ABCB4: variants seen among roughly 807,000 people sequenced by gnomAD.
The protein encoded by ABCB4 is ATP binding cassette subfamily B member 4, also known as phosphatidylcholine translocator ABCB4.
In ABCB4, 76 loss-of-function variants were observed where a neutral mutation model predicts 145.7. The ratio of observed to expected loss-of-function variants is 0.52; its 90% confidence interval spans 0.43 to 0.63. The LOEUF (loss-of-function observed/expected upper bound fraction) is 0.63, where lower values mean the gene tolerates loss of function less well. ABCB4 is among the 30% of genes least tolerant of loss of function. The pLI, the probability that ABCB4 is intolerant of heterozygous loss-of-function variation, is 0.00. For synonymous variants in ABCB4, 517 were observed against 566.8 expected, an observed-to-expected ratio of 0.91 and a Z score of 1.25; for missense variants, 1,234 against 1,553.1, an observed-to-expected ratio of 0.79 and a Z score of 3.45.
chr7:87,414,879 T>G (rs753228210), intron 21 of ABCB4, among the ~76,000 whole-genome samples: 27 of 152,270 alleles, frequency 1.8e-4, no homozygotes, highest in Non-Finnish European at 3.7e-4. Context: ...CTCACAACCT[T>G]GAAAGGGAAA....
Position 87,417,234 on chromosome 7 carries a change from A to G in ABCB4, c.2682+78T>C, listed in dbSNP as rs1337847518. 7.5e-6 allele frequency: 10 copies of G among 1,328,294 alleles called. No homozygotes were observed. In the South Asian group the frequency reaches 9.6e-5, roughly 13 times the overall value. 82.3% of individuals were successfully genotyped at this position (1,328,294 alleles called of 1,614,324 possible). On this transcript the variant is annotated intron_variant, in intron 21 of 27. Transcript: ENST00000649586. ...CAAACATTTAATTATTAAAGCCTGCATATCATGATAAATAATTCAAATAAA... is the reference window on the plus strand; with the variant it reads ...CAAACATTTAATTATTAAAGCCTGCGTATCATGATAAATAATTCAAATAAA...
At chr7:87,461,168 C>T (rs929744147) in intron 4 of ABCB4, among the ~76,000 whole-genome samples, 3 of 152,112 alleles carry the variant, frequency 2.0e-5, no homozygotes, top group Non-Finnish European at 4.4e-5. Flanking sequence ...TGGTCTCGAA[C>T]TCCCAAACTC....
intron 4 of ABCB4, among the ~76,000 whole-genome samples, chr7:87,461,033 C>G (rs111950225): frequency 6.6e-6 from 1 of 152,018 alleles, no homozygotes; most frequent in Non-Finnish European, 1.5e-5. Flanking sequence ...GCAACCTCCG[C>G]CCCCTGGGTT....
chr7:87,453,428 C>T (rs1248689613), intron 5 of ABCB4, among the ~76,000 whole-genome samples: 1 of 152,120 alleles, frequency 6.6e-6, no homozygotes, highest in Non-Finnish European at 1.5e-5. Context: ...AAGTGATCTG[C>T]TCACCTCCGC....
At chr7:87,455,421 T>G (rs1812042839) in intron 4 of ABCB4, among the ~76,000 whole-genome samples, 1 of 152,224 alleles carries the variant, frequency 6.6e-6, no homozygotes, top group South Asian at 2.1e-4. Flanking sequence ...ATTCATTTAA[T>G]TATCTTATGA....
chr7:87,473,793 T>C (rs1813609321), intron 2 of ABCB4, among the ~76,000 whole-genome samples: 1 of 152,140 alleles, frequency 6.6e-6, no homozygotes, highest in Non-Finnish European at 1.5e-5. Context: ...ATATGATGCA[T>C]TTATCCAGGT....
At chr7:87,390,496 A>T in the ABCB4 span, among the ~76,000 whole-genome samples, 1 of 152,156 alleles carries the variant, frequency 6.6e-6, no homozygotes, top group Non-Finnish European at 1.5e-5. Context: ...CACACTTTGA[A>T]GGGATACCAT....
chr7:87,392,218 A>G, the ABCB4 span, among the ~76,000 whole-genome samples: 1 of 152,130 alleles, frequency 6.6e-6, no homozygotes, highest in Non-Finnish European at 1.5e-5. Context: ...GTGGTTATAT[A>G]TGAGTGCCTG....
chr7:87,375,989 G>T, the ABCB4 span: 4 of 1,511,536 alleles, frequency 2.6e-6, no homozygotes, highest in African/African-American at 2.8e-5. Flanking sequence ...TTTTATTGCA[G>T]ATTTTTCTGG....
chr7:87,431,670 G>C, intron 14 of ABCB4, 105 bp from the exon 15 acceptor site: 2 of 1,426,208 alleles, frequency 1.4e-6, no homozygotes, highest in Non-Finnish European at 2.0e-6. Context: ...GATGATTAGA[G>C]AGTAGTTTAT....
the ABCB4 span, chr7:87,375,749 C>T: frequency 3.5e-5 from 56 of 1,611,842 alleles, no homozygotes; most frequent in African/African-American, 5.2e-4. Context: ...CTTTTCTTAA[C>T]GAAGCTTTTC....
chr7:87,453,465 G>A (rs1051712740), intron 5 of ABCB4, among the ~76,000 whole-genome samples: 2 of 152,066 alleles, frequency 1.3e-5, no homozygotes, highest in African/African-American at 2.4e-5. Flanking sequence ...ATTATAGCAT[G>A]AGCCACCACC....
chr7:87,462,803 T>A lies in ABCB4; in HGVS notation c.241A>T (p.Met81Leu). 6.2e-7 allele frequency: 1 copy of A among 1,613,958 alleles called. No homozygotes were observed. The highest frequency in any genetic ancestry group is 8.5e-7 in the Non-Finnish European group (1 of 1,179,908). ...GCAGTATCAACAAATTTGTCAGTCA[T>A]CTCTCCAAATACTATCATCATGAGG... ...LPLMMIVFGE[M>L]TDKFVDTAGN... Residue 81 changes from methionine (M) to leucine (L), a missense_variant, in exon 4 of 28, where the codon ATG becomes TTG. Coordinates refer to ENST00000649586, the MANE Select transcript of ABCB4 (RefSeq NM_000443.4).
chr7:87,468,690 T>C (rs1328169144), intron 3 of ABCB4, among the ~76,000 whole-genome samples: 1 of 152,058 alleles, frequency 6.6e-6, no homozygotes, highest in Non-Finnish European at 1.5e-5. Context: ...CGCAGCACTT[T>C]GGGAGGCTGA....
chr7:87,370,711 C>A, the ABCB4 span, among the ~76,000 whole-genome samples: 3,355 of 152,286 alleles, frequency 0.022, 132 homozygotes, highest in African/African-American at 0.075. Context: ...CTCTTCCAGA[C>A]TTTCACTCCT....
chr7:87,389,628 G>A, the ABCB4 span, among the ~76,000 whole-genome samples: 1 of 151,794 alleles, frequency 6.6e-6, no homozygotes, highest in Non-Finnish European at 1.5e-5. Flanking sequence ...GTCATGGGGT[G>A]GGGGGCTAGG....
chr7:87,386,396 T>C, the ABCB4 span, among the ~76,000 whole-genome samples: 58 of 152,300 alleles, frequency 3.8e-4, no homozygotes, highest in African/African-American at 1.2e-3. Flanking sequence ...TCTCAGGTTG[T>C]ATGTGTCCAG....
At chr7:87,372,781 A>G in the ABCB4 span, among the ~76,000 whole-genome samples, 1 of 152,130 alleles carries the variant, frequency 6.6e-6, no homozygotes, top group Non-Finnish European at 1.5e-5. Context: ...GCATGTATGA[A>G]TACTTTATTC....
intron 14 of ABCB4, 29 bp from the exon 15 acceptor site, chr7:87,431,594 G>C (rs745906662): frequency 1.2e-6 from 2 of 1,613,758 alleles, no homozygotes; most frequent in Non-Finnish European, 1.7e-6. Context: ...GGTGCATCAG[G>C]GTTACAGTAT....
Sources: allele counts gnomAD v4.1 joint callset (sites outside exome capture counted in the v4.1 genomes callset), GRCh38; gene constraint gnomAD v4.1.1; transcripts MANE v1.5; gene names NCBI Gene and HGNC (gene_info 2026-07-23, HGNC 2026-07-21).